Variants in RASSF2 observed in about 807,000 individuals in gnomAD.
RASSF2 encodes the protein Ras association domain family member 2, also known as ras association domain-containing protein 2.
Under a neutral mutation model 46.3 loss-of-function variants are expected in RASSF2, and 34 were observed. The ratio of observed to expected loss-of-function variants is 0.73; its 90% confidence interval spans 0.56 to 0.98. RASSF2 has a LOEUF of 0.98. Among genes scored for constraint, RASSF2 ranks in the 50% least tolerant of loss-of-function variants. The probability of loss-of-function intolerance (pLI) is 0.00; values close to 1 mark genes in which losing one functional copy is unlikely to be tolerated. For missense variants in RASSF2, 364 were observed against 431.2 expected, an observed-to-expected ratio of 0.84 and a Z score of 1.38; for synonymous variants, 158 against 162.5, an observed-to-expected ratio of 0.97 and a Z score of 0.21.
At chr20:4,813,839 G>C (rs772608068) in intron 2 of RASSF2, among the ~76,000 whole-genome samples, 3 of 152,016 alleles carry the variant, frequency 2.0e-5, no homozygotes, top group Non-Finnish European at 4.4e-5. Flanking sequence ...GGCTGTGTAT[G>C]TGTGTGTATC....
At chr20:4,800,937 C>T (rs765156097) in intron 3 of RASSF2, 35 bp downstream of exon 3, 1 of 1,558,154 alleles carries the variant, frequency 6.4e-7, no homozygotes, top group South Asian at 1.1e-5. Context: ...CGGGACTGGT[C>T]ACTGAGGACA....
At chr20:4,808,064 AG>A in intron 2 of RASSF2, among the ~76,000 whole-genome samples, 1 of 152,324 alleles carries the variant, frequency 6.6e-6, no homozygotes, top group African/African-American at 2.4e-5. Context: ...TCCTCACACA[AG>A]GAAGGTCAGA....
chr20:4,817,930 G>C (rs1341354317), intron 2 of RASSF2, among the ~76,000 whole-genome samples: 1 of 152,156 alleles, frequency 6.6e-6, no homozygotes, highest in Non-Finnish European at 1.5e-5. Flanking sequence ...CCTTGCCTTG[G>C]AGATGGGGAA....
intron 2 of RASSF2, among the ~76,000 whole-genome samples, chr20:4,803,433 C>T (rs550743049): frequency 1.6e-4 from 24 of 152,240 alleles, no homozygotes; most frequent in Admixed American, 3.9e-4. Context: ...TCGTGTCAGA[C>T]CTTTGAACTA....
At chr20:4,784,592 CAAAAAAAAAAAAAA>C (rs71197728) in intron 11 of RASSF2, among the ~76,000 whole-genome samples, 5 of 89,862 alleles carry the variant, frequency 5.6e-5, no homozygotes, top group African/African-American at 1.3e-4. Flanking sequence ...AACATCTAGC[CAAAAAAAAAAAAAA>C]AAAAAAAAAG....
chr20:4,814,811 G>A (rs1928162302), intron 2 of RASSF2, among the ~76,000 whole-genome samples: 1 of 152,230 alleles, frequency 6.6e-6, no homozygotes, highest in South Asian at 2.1e-4. Flanking sequence ...GGGGTTTCCA[G>A]ACCGTTTCCA....
intron 11 of RASSF2, among the ~76,000 whole-genome samples, chr20:4,784,583 A>G (rs1381349440): frequency 7.1e-6 from 1 of 140,346 alleles, no homozygotes; most frequent in African/African-American, 2.7e-5. Flanking sequence ...TATGGGTAGA[A>G]CATCTAGCCA....
chr20:4,801,550 T>C (rs1325086950), intron 2 of RASSF2, among the ~76,000 whole-genome samples: 3 of 151,978 alleles, frequency 2.0e-5, no homozygotes, highest in African/African-American at 7.2e-5. Flanking sequence ...AAAGACAATT[T>C]AATTATAACA....
intron 3 of RASSF2, 51 bp downstream of exon 3, chr20:4,800,921 C>G: frequency 6.7e-7 from 1 of 1,503,134 alleles, no homozygotes; most frequent in Non-Finnish European, 9.3e-7. Flanking sequence ...CCACAACATC[C>G]CAGCACGGGA....
chr20:4,818,031 C>T (rs1044720735), intron 2 of RASSF2, among the ~76,000 whole-genome samples: 3 of 152,126 alleles, frequency 2.0e-5, no homozygotes, highest in Non-Finnish European at 4.4e-5. Flanking sequence ...TTTTGGGAGG[C>T]TGAGACAGGT....
At chr20:4,787,882 A>C in intron 9 of RASSF2, 128 bp from the exon 10 acceptor site, 1 of 1,203,064 alleles carries the variant, frequency 8.3e-7, no homozygotes, top group Non-Finnish European at 1.2e-6. Context: ...TTATAAGTGA[A>C]CTATTCCATA....
At position 4,783,016 on chromosome 20, in the gene RASSF2, T is replaced by C. The variant is rs1289515985; in HGVS notation, c.*1257A>G. ...CTCCCATTGGGGTTGGATTTAAAGATCACATAGGTGGCTGCTCAGAGGAGC... is the reference window on the plus strand; with the variant it reads ...CTCCCATTGGGGTTGGATTTAAAGACCACATAGGTGGCTGCTCAGAGGAGC... On this transcript the variant is annotated 3_prime_UTR_variant, in exon 12 of 12. Transcript: ENST00000379400. The C allele has an allele frequency of 6.6e-6, 1 of 152,232 alleles. No homozygotes were observed. The highest frequency in any genetic ancestry group is 2.4e-5 in the African/African-American group (1 of 41,448). The allele number at this position is 152,232 out of a possible 1,614,324, so 9.4% of individuals were successfully genotyped here.
Position 4,791,527 on chromosome 20 carries a change from A to T in RASSF2, c.377-916T>A, listed in dbSNP as rs1189752010. Among the ~76,000 whole-genome samples the T allele has an allele frequency of 3.9e-5, 6 of 152,386 alleles. No individual in the cohort carries two copies. In the East Asian group the frequency reaches 1.2e-3, roughly 29 times the overall value. ...GGCATATGTCTATCCTTGTATGTGT[A>T]TAAATATACAATACTGACATTAATC... On this transcript the variant is annotated intron_variant, in intron 6 of 11. Coordinates refer to ENST00000379400, the MANE Select transcript of RASSF2 (RefSeq NM_014737.3).
rs1925035859 is a variant in RASSF2, at chr20:4,783,710, A to T, written c.*563T>A. The T allele has an allele frequency of 6.6e-6, 1 of 152,538 alleles. No individual in the cohort carries two copies. The highest frequency in any genetic ancestry group is 1.5e-5 in the Non-Finnish European group (1 of 68,194). 9.4% of individuals were successfully genotyped at this position (152,538 alleles called of 1,614,324 possible). A position where few individuals can be genotyped will look rare whatever the true frequency, so the allele number is the denominator to read the frequency against. ...TATTTTGTTAATTTCCAAGGCTCTTACATTCACTGATCCTTCTAGGCATAC... is the reference window on the plus strand; with the variant it reads ...TATTTTGTTAATTTCCAAGGCTCTTTCATTCACTGATCCTTCTAGGCATAC... On this transcript the variant is annotated 3_prime_UTR_variant, in exon 12 of 12. Transcript: ENST00000379400.
intron 5 of RASSF2, among the ~76,000 whole-genome samples, chr20:4,793,843 A>G (rs533109265): frequency 6.6e-6 from 1 of 152,228 alleles, no homozygotes; most frequent in South Asian, 2.1e-4. Flanking sequence ...TCTAAATGAC[A>G]CCATTTACCA....
chr20:4,810,428 A>G (rs7346461), intron 2 of RASSF2, among the ~76,000 whole-genome samples: 57,816 of 151,864 alleles, frequency 0.38, 11,233 homozygotes, highest in Admixed American at 0.49. Context: ...TCCCACCAAA[A>G]ACAGCAGAAT....
chr20:4,805,862 C>T (rs909205409), intron 2 of RASSF2, among the ~76,000 whole-genome samples: 1 of 152,104 alleles, frequency 6.6e-6, no homozygotes, highest in Non-Finnish European at 1.5e-5. Context: ...AGGCTGCTGG[C>T]GAGGACCGCA....
At chr20:4,811,092 G>T (rs1834794281) in intron 2 of RASSF2, among the ~76,000 whole-genome samples, 1 of 152,102 alleles carries the variant, frequency 6.6e-6, no homozygotes, top group African/African-American at 2.4e-5. Flanking sequence ...AGGCATGGTG[G>T]CTCATGCCTG....
At chr20:4,789,086 C>T (rs1925626984) in intron 8 of RASSF2, among the ~76,000 whole-genome samples, 1 of 152,104 alleles carries the variant, frequency 6.6e-6, no homozygotes. Flanking sequence ...CTCTGGTCTC[C>T]AAGAGATTGT....
Sources: allele counts gnomAD v4.1 joint callset (sites outside exome capture counted in the v4.1 genomes callset), GRCh38; gene constraint gnomAD v4.1.1; transcripts MANE v1.5; gene names NCBI Gene and HGNC (gene_info 2026-07-23, HGNC 2026-07-21).